CARF: variants seen among roughly 807,000 people sequenced by gnomAD.
CARF encodes the protein calcium responsive transcription factor, also known as calcium-responsive transcription factor.
In CARF, 57 loss-of-function variants were observed where a neutral mutation model predicts 82.0. The ratio of observed to expected loss-of-function variants is 0.70; its 90% confidence interval spans 0.56 to 0.87. The LOEUF is 0.87. CARF is among the 40% of genes least tolerant of loss of function. The pLI is 0.00. For synonymous variants in CARF, 268 were observed against 290.1 expected, an observed-to-expected ratio of 0.92 and a Z score of 0.77; for missense variants, 771 against 855.8, an observed-to-expected ratio of 0.90 and a Z score of 1.24.
Position 202,954,091 on chromosome 2 carries a change from C to T in CARF, c.514C>T (p.His172Tyr). Residue 172 changes from histidine to tyrosine, a missense_variant, in exon 7 of 17, where the codon CAT becomes TAT. Transcript: ENST00000438828. Reference protein sequence around the residue: ...LADNTSNYILHPQTSFPLPKK... With the variant: ...LADNTSNYILYPQTSFPLPKK... ...AGACAATACCAGCAATTACATTCTT[C>T]ATCCTCAAACATCCTTCCCATTGCC... 5 of 1,613,470 alleles carry T rather than the reference C, an allele frequency of 3.1e-6. No individual in the cohort carries two copies. The highest frequency in any genetic ancestry group is 3.4e-6 in the Non-Finnish European group (4 of 1,179,742).
rs1365181120 is a variant in CARF at position 202,983,388 on chromosome 2, T to G, written c.2060-118T>G. The G allele has an allele frequency of 1.2e-5, 8 of 644,022 alleles. No individual in the cohort carries two copies. In the East Asian group the frequency reaches 2.2e-4, roughly 18 times the overall value. The allele number at this position is 644,022 out of a possible 1,614,324, so 39.9% of individuals were successfully genotyped here. A position where few individuals can be genotyped will look rare whatever the true frequency, so the allele number is the denominator to read the frequency against. On this transcript the variant is annotated intron_variant, in intron 16 of 16. Coordinates refer to ENST00000438828, the MANE Select transcript of CARF (RefSeq NM_024744.17). ...CTTTTGTGGGAAAAGATTTGCAGTT[T>G]GCTTTGAAGAACAAAAGTTTTCACA...
chr2:202,947,032 T>C (rs972206943), intron 5 of CARF, among the ~76,000 whole-genome samples: 2 of 152,202 alleles, frequency 1.3e-5, no homozygotes, highest in African/African-American at 4.8e-5. Context: ...TTGGTGGTAG[T>C]GTAAATTAGT....
chr2:202,954,900 G>A (rs1252676278), intron 7 of CARF, among the ~76,000 whole-genome samples: 1 of 151,214 alleles, frequency 6.6e-6, no homozygotes, highest in Non-Finnish European at 1.5e-5. Flanking sequence ...TGTAGTCCCA[G>A]CCACTTGGGA....
intron 12 of CARF, chr2:202,973,570 T>C (rs141234410): frequency 3.6e-4 from 124 of 344,798 alleles, no homozygotes; most frequent in African/African-American, 2.5e-3. Flanking sequence ...AGGCCCAAGC[T>C]CTCTTATTTA....
rs1394618462 is a variant in CARF, at chr2:202,986,901, T to TATATACATATATATATATATAC, written c.*3282_*3283insCATATATATATATATACATATA. On this transcript the variant is annotated 3_prime_UTR_variant, in exon 17 of 17. Coordinates refer to ENST00000438828, the MANE Select transcript of CARF (RefSeq NM_024744.17). Reference sequence around the variant, plus strand: ...ATATATATATATATATATATATATATATATATAGCAACTTGATGTATAGTG... The same window carrying TATATACATATATATATATATAC: ...ATATATATATATATATATATATATATATATACATATATATATATATACATATATAGCAACTTGATGTATAGTG... 6 of 137,306 alleles carry TATATACATATATATATATATAC rather than the reference T, an allele frequency of 4.4e-5. No individual in the cohort carries two copies. The highest frequency in any genetic ancestry group is 2.4e-4 in the South Asian group (1 of 4,252). The allele number at this position is 137,306 out of a possible 1,614,324, so 8.5% of individuals were successfully genotyped here.
intron 5 of CARF, 47 bp downstream of exon 5, chr2:202,943,014 G>A: frequency 7.2e-7 from 1 of 1,393,530 alleles, no homozygotes; most frequent in African/African-American, 1.4e-5. Context: ...TTAGCAAAAT[G>A]TATTAGTCTT....
chr2:202,986,605 T>G lies in CARF; in HGVS notation c.*2981T>G, dbSNP rs993349091. 6.7e-6 allele frequency: 1 copy of G among 150,016 alleles called. No individual in the cohort carries two copies. The highest frequency in any genetic ancestry group is 1.5e-5 in the Non-Finnish European group (1 of 66,844). The allele number at this position is 150,016 out of a possible 1,614,324, so 9.3% of individuals were successfully genotyped here. On this transcript the variant is annotated 3_prime_UTR_variant, in exon 17 of 17. Coordinates refer to ENST00000438828, the MANE Select transcript of CARF (RefSeq NM_024744.17). ...TGGACCTTTCCCTCAATAGTGATTT[T>G]TTGTACAAACAGTTAGTATAATTAA... is the stretch of plus-strand genomic sequence containing the variant.
chr2:202,957,081 G>A (rs752370040), intron 8 of CARF, among the ~76,000 whole-genome samples: 55 of 152,012 alleles, frequency 3.6e-4, no homozygotes, highest in Non-Finnish European at 6.6e-4. Context: ...GAGCCACCGC[G>A]CCCAGAAGTA....
At chr2:202,958,763 G>A (rs892957819) in intron 8 of CARF, among the ~76,000 whole-genome samples, 1 of 152,028 alleles carries the variant, frequency 6.6e-6, no homozygotes, top group Non-Finnish European at 1.5e-5. Flanking sequence ...AAATTAATCT[G>A]GCATGGTGGC....
chr2:202,920,594 A>C (rs1053868637), intron 2 of CARF, among the ~76,000 whole-genome samples: 1 of 152,112 alleles, frequency 6.6e-6, no homozygotes, highest in Non-Finnish European at 1.5e-5. Context: ...TTTAAAAATT[A>C]AGCCAGGTGC....
At chr2:202,940,676 A>G (rs1574580554) in intron 3 of CARF, among the ~76,000 whole-genome samples, 1 of 152,050 alleles carries the variant, frequency 6.6e-6, no homozygotes, top group African/African-American at 2.4e-5. Flanking sequence ...TTATCTTGGG[A>G]ATTTTAAGTT....
chr2:202,973,085 G>A (rs1367504249), intron 12 of CARF, among the ~76,000 whole-genome samples: 1 of 152,130 alleles, frequency 6.6e-6, no homozygotes, highest in Non-Finnish European at 1.5e-5. Context: ...TATAGCATTG[G>A]AGAAAATAAT....
chr2:202,953,954 T>C, intron 6 of CARF, 51 bp from the exon 7 acceptor site: 1 of 1,517,456 alleles, frequency 6.6e-7, no homozygotes. Context: ...TATATTCTTA[T>C]GGTCTTATTC....
At chr2:202,946,868 A>G (rs897864166) in intron 5 of CARF, among the ~76,000 whole-genome samples, 6 of 152,004 alleles carry the variant, frequency 3.9e-5, no homozygotes, top group African/African-American at 1.4e-4. Context: ...GTGGCCAACA[A>G]ACATAAAAGT....
intron 8 of CARF, among the ~76,000 whole-genome samples, chr2:202,958,808 G>A (rs1403267290): frequency 6.6e-6 from 1 of 151,766 alleles, no homozygotes; most frequent in African/African-American, 2.4e-5. Flanking sequence ...GGGAGGCTGA[G>A]GCAGGAGAAT....
intron 6 of CARF, among the ~76,000 whole-genome samples, chr2:202,953,498 G>GTTTTTTTTTTTT (rs67855316): frequency 2.6e-4 from 18 of 70,288 alleles, no homozygotes; most frequent in South Asian, 6.8e-4. Context: ...TTTTTTTGTT[G>GTTTTTTTTTTTT]TTTTTTTTTT....
intron 3 of CARF, among the ~76,000 whole-genome samples, chr2:202,937,952 T>C (rs1694219206): frequency 2.0e-5 from 3 of 151,626 alleles, no homozygotes; most frequent in Admixed American, 2.0e-4. Context: ...AAAAATGTTT[T>C]AATTGTAGTA....
At chr2:202,949,037 T>C (rs1419800795) in intron 5 of CARF, among the ~76,000 whole-genome samples, 2 of 152,192 alleles carry the variant, frequency 1.3e-5, no homozygotes, top group African/African-American at 4.8e-5. Context: ...TAATTTATTT[T>C]TTAAGAGAAA....
chr2:202,949,980 C>G (rs532719152), intron 5 of CARF, among the ~76,000 whole-genome samples: 3 of 152,194 alleles, frequency 2.0e-5, no homozygotes, highest in African/African-American at 7.2e-5. Context: ...CACAAAGGGC[C>G]TAGTAGGTAA....
Sources: allele counts gnomAD v4.1 joint callset (sites outside exome capture counted in the v4.1 genomes callset), GRCh38; gene constraint gnomAD v4.1.1; transcripts MANE v1.5; gene names NCBI Gene and HGNC (gene_info 2026-07-23, HGNC 2026-07-21).